Variants in MGA observed in about 807,000 individuals in gnomAD.
MGA encodes the protein MAX dimerization protein MGA.
MGA carries 40 observed loss-of-function variants against 261.1 expected under a neutral mutation model. That is an observed-to-expected ratio of 0.15 (90% confidence interval 0.12 to 0.20). The LOEUF is 0.20. Among genes scored for constraint, MGA ranks in the 10% least tolerant of loss-of-function variants. MGA has a pLI of 1.00. For missense variants in MGA, 3,397 were observed against 3,630.5 expected (o/e 0.94, Z 1.65); for synonymous variants, 1,302 against 1,290.6 (o/e 1.01, Z -0.19).
chr15:41,751,518 G>A (rs1352998147), intron 17 of MGA: 1 of 152,106 alleles, frequency 6.6e-6, no homozygotes, highest in Non-Finnish European at 1.5e-5. Context: ...GACGTCAGGA[G>A]TTTGAGACTA....
chr15:41,652,733 G>A (rs2150730280), intron 1 of MGA, among the ~76,000 whole-genome samples: 1 of 151,944 alleles, frequency 6.6e-6, no homozygotes, highest in East Asian at 1.9e-4. Context: ...TGATTATTCT[G>A]TCTTTTCAAT....
chr15:41,634,766 G>A (rs1264732455), intron 1 of MGA, among the ~76,000 whole-genome samples: 2 of 152,078 alleles, frequency 1.3e-5, no homozygotes, highest in Non-Finnish European at 2.9e-5. Context: ...GTTAGAATGA[G>A]GTTTTGTTTG....
intron 5 of MGA, among the ~76,000 whole-genome samples, chr15:41,699,696 T>G (rs1320042832): frequency 6.6e-6 from 1 of 152,140 alleles, no homozygotes; most frequent in African/African-American, 2.4e-5. Context: ...TAGAGACGGT[T>G]TCACCGTGTT....
chr15:41,755,965 G>A (rs1051893615), intron 18 of MGA, among the ~76,000 whole-genome samples: 1 of 152,054 alleles, frequency 6.6e-6, no homozygotes, highest in African/African-American at 2.4e-5. Flanking sequence ...GTTGCAGTGA[G>A]CTGAGACTGT....
chr15:41,625,170 A>C (rs1278850049), intron 1 of MGA, among the ~76,000 whole-genome samples: 2 of 152,196 alleles, frequency 1.3e-5, no homozygotes, highest in Non-Finnish European at 2.9e-5. Flanking sequence ...TGTTCTACTA[A>C]GCATGACTGT....
chr15:41,668,818 T>G lies in MGA; in HGVS notation c.-67-10T>G, dbSNP rs1595632395. On this transcript the variant is annotated splice_polypyrimidine_tract_variant and intron_variant, in intron 1 of 23. Coordinates refer to ENST00000219905, the MANE Select transcript of MGA (RefSeq NM_001164273.2). ...TTTTTGTTTTTGGTTTTTTTTTGCT[T>G]GTTTCTTAGGATGGGAAGGCCATTG... 8.7e-7 allele frequency: 1 copy of G among 1,149,576 alleles called. No homozygotes were observed. The highest frequency in any genetic ancestry group is 1.2e-6 in the Non-Finnish European group (1 of 839,838). The allele number at this position is 1,149,576 out of a possible 1,614,324, so 71.2% of individuals were successfully genotyped here.
At chr15:41,758,902 TTGTA>T (rs1374160332) in intron 19 of MGA, among the ~76,000 whole-genome samples, 4 of 152,284 alleles carry the variant, frequency 2.6e-5, no homozygotes, top group South Asian at 2.1e-4. Context: ...ATTATTCACT[TTGTA>T]TGAGTAGTGT....
chr15:41,662,238 A>G (rs1333010164), intron 1 of MGA, among the ~76,000 whole-genome samples: 1 of 152,062 alleles, frequency 6.6e-6, no homozygotes, highest in Non-Finnish European at 1.5e-5. Flanking sequence ...TACTTACTTC[A>G]AGTTTGACTA....
chr15:41,700,267 C>T (rs887687731), intron 5 of MGA, among the ~76,000 whole-genome samples: 15 of 151,446 alleles, frequency 9.9e-5, no homozygotes, highest in African/African-American at 2.2e-4. Context: ...AGGATGGTCT[C>T]GATCTCCTGA....
At chr15:41,646,153 A>T (rs903037281) in intron 1 of MGA, among the ~76,000 whole-genome samples, 3 of 152,072 alleles carry the variant, frequency 2.0e-5, no homozygotes, top group Non-Finnish European at 4.4e-5. Context: ...TGGATATACA[A>T]TTCTTTGGCA....
chr15:41,673,467 C>G (rs1053881032), intron 2 of MGA, among the ~76,000 whole-genome samples: 5 of 151,726 alleles, frequency 3.3e-5, no homozygotes, highest in African/African-American at 1.2e-4. Context: ...ATCCTCCTGC[C>G]TCAGCTTCCC....
intron 11 of MGA, among the ~76,000 whole-genome samples, chr15:41,732,680 C>G (rs1462626518): frequency 6.6e-6 from 1 of 152,142 alleles, no homozygotes; most frequent in Admixed American, 6.5e-5. Context: ...ATGTAAAATG[C>G]TTAGGTCAGC....
At chr15:41,645,856 G>C (rs2056925930) in intron 1 of MGA, among the ~76,000 whole-genome samples, 1 of 152,120 alleles carries the variant, frequency 6.6e-6, no homozygotes, top group Non-Finnish European at 1.5e-5. Context: ...CAATACTTGT[G>C]GTTCAAACAA....
At chr15:41,643,688 A>T (rs551367516) in intron 1 of MGA, among the ~76,000 whole-genome samples, 30 of 151,912 alleles carry the variant, frequency 2.0e-4, no homozygotes, top group African/African-American at 7.2e-4. Context: ...ATAGTGAATA[A>T]TATACAAAAG....
chr15:41,709,988 C>T (rs1385304027), intron 7 of MGA, among the ~76,000 whole-genome samples: 1 of 151,814 alleles, frequency 6.6e-6, no homozygotes, highest in Non-Finnish European at 1.5e-5. Flanking sequence ...CCACCATGCT[C>T]AGCTAATTTT....
chr15:41,680,043 CTG>C (rs1008553765), intron 2 of MGA, among the ~76,000 whole-genome samples: 1 of 152,244 alleles, frequency 6.6e-6, no homozygotes, highest in African/African-American at 2.4e-5. Context: ...TTCTTGGACA[CTG>C]TTTTCTTCCC....
upstream of MGA, among the ~76,000 whole-genome samples, chr15:41,656,272 G>T (rs150887720): frequency 1.9e-3 from 292 of 151,810 alleles, 2 homozygotes; most frequent in African/African-American, 6.9e-3. Context: ...GGTGAGGAAC[G>T]TGGTTATGTG....
chr15:41,646,616 G>T (rs1296963690), intron 1 of MGA, among the ~76,000 whole-genome samples: 1 of 151,840 alleles, frequency 6.6e-6, no homozygotes, highest in African/African-American at 2.4e-5. Context: ...AGCCACTGGA[G>T]GGAGAATTGC....
At position 41,766,692 on chromosome 15, in the gene MGA, A is replaced by C. The variant is rs2063814872; in HGVS notation, c.8610A>C (p.Gly2870=). ...CTTTTATTAGTAAGGTTCCTCCTGG[A>C]AGCAGAGCAACTTTCCAGGTTGAGC... Residue 2870 remains glycine (G), a synonymous_variant, in exon 24 of 24, where the codon GGA becomes GGC. Coordinates refer to ENST00000219905, the MANE Select transcript of MGA (RefSeq NM_001164273.2). The C allele has an allele frequency of 6.2e-7, 1 of 1,614,000 alleles. No individual in the cohort carries two copies. The highest frequency in any genetic ancestry group is 8.5e-7 in the Non-Finnish European group (1 of 1,179,892).
Sources: allele counts gnomAD v4.1 joint callset (sites outside exome capture counted in the v4.1 genomes callset), GRCh38; gene constraint gnomAD v4.1.1; transcripts MANE v1.5; gene names NCBI Gene and HGNC (gene_info 2026-07-23, HGNC 2026-07-21).